A4GALT: variants seen among roughly 807,000 people sequenced by gnomAD.
A4GALT encodes the protein alpha 1,4-galactosyltransferase (P1PK blood group).
For synonymous variants in A4GALT, 257 were observed against 220.7 expected, an observed-to-expected ratio of 1.16 and a Z score of -1.46; for missense variants, 512 against 486.0, an observed-to-expected ratio of 1.05 and a Z score of -0.50.
chr22:42,696,697 A>G (rs1048101147), intron 1 of A4GALT, among the ~76,000 whole-genome samples: 2 of 151,886 alleles, frequency 1.3e-5, no homozygotes, highest in Admixed American at 6.6e-5. Context: ...CTTTACAAGT[A>G]TATCAGCCAC....
At chr22:42,713,378 T>C (rs1222303805) in intron 1 of A4GALT, among the ~76,000 whole-genome samples, 1 of 152,218 alleles carries the variant, frequency 6.6e-6, no homozygotes, top group Admixed American at 6.5e-5. Flanking sequence ...GCACCTTGAC[T>C]GTTCATCCAA....
In A4GALT at chr22:42,700,781, C is replaced by A. The variant is rs538013566; in HGVS notation, c.-187-5150G>T. ...GGAGGGAGGCAATGCATCTCCAGGG[C>A]CCAGCCCACGGAACAGGCCCTCAAC... On this transcript the variant is annotated intron_variant, in intron 1 of 2. Coordinates refer to ENST00000642412, the MANE Select transcript of A4GALT (RefSeq NM_017436.7). 3.9e-5 allele frequency among the ~76,000 whole-genome samples: 6 copies of A among 152,336 alleles called. No homozygotes were observed. In the South Asian group the frequency reaches 1.0e-3, roughly 26 times the overall value.
chr22:42,703,357 G>A (rs1920940589), intron 1 of A4GALT, among the ~76,000 whole-genome samples: 1 of 150,420 alleles, frequency 6.6e-6, no homozygotes, highest in Non-Finnish European at 1.5e-5. Flanking sequence ...CCGGGTTCAA[G>A]TGATTGTCCT....
At chr22:42,720,927 G>A (rs1271963735), upstream of A4GALT, 1 of 140,678 alleles carries the variant, frequency 7.1e-6, no homozygotes. Flanking sequence ...GGGTCAGGCC[G>A]CCCCGCCCCG....
intron 1 of A4GALT, among the ~76,000 whole-genome samples, chr22:42,700,953 G>C (rs373698894): frequency 6.6e-4 from 100 of 152,268 alleles, no homozygotes; most frequent in African/African-American, 2.2e-3. Flanking sequence ...ATGCAGCCAG[G>C]ACGTAGCATG....
At chr22:42,717,470 A>T (rs902887134) in intron 1 of A4GALT, among the ~76,000 whole-genome samples, 1 of 152,076 alleles carries the variant, frequency 6.6e-6, no homozygotes, top group Non-Finnish European at 1.5e-5. Context: ...AAGCCAATTC[A>T]TCAAGTGTCC....
chr22:42,697,434 A>G (rs1484223215), intron 1 of A4GALT, among the ~76,000 whole-genome samples: 1 of 152,062 alleles, frequency 6.6e-6, no homozygotes, highest in Non-Finnish European at 1.5e-5. Context: ...TTTTAACCCC[A>G]TGTGAACCAC....
chr22:42,707,027 C>T (rs1302322023), intron 1 of A4GALT, among the ~76,000 whole-genome samples: 2 of 151,982 alleles, frequency 1.3e-5, no homozygotes, highest in Non-Finnish European at 2.9e-5. Flanking sequence ...TATCAAAACA[C>T]TAATAAGAGA....
chr22:42,692,169 T>C lies in A4GALT; in HGVS notation c.*721A>G, dbSNP rs28915390. The C allele has an allele frequency of 1.6e-3, 279 of 175,686 alleles. No individual in the cohort carries two copies. Among genetic ancestry groups the C allele is most frequent in the Middle Eastern group, 0.012 (4 of 328 alleles). 10.9% of individuals were successfully genotyped at this position (175,686 alleles called of 1,614,324 possible). On this transcript the variant is annotated 3_prime_UTR_variant, in exon 3 of 3. Coordinates refer to ENST00000642412, the MANE Select transcript of A4GALT (RefSeq NM_017436.7). This position sits in a 1 kb window ranked among gnomAD's most constrained non-coding sequence, Gnocchi z 4.6. Reference sequence around the variant, plus strand: ...ATTGATTATTCTCCTGTGTTTATAATGCGGGCGGCAGGGTGGGGGTTTCTT... The same window carrying C: ...ATTGATTATTCTCCTGTGTTTATAACGCGGGCGGCAGGGTGGGGGTTTCTT...
At chr22:42,714,878 G>C (rs912593471) in intron 1 of A4GALT, among the ~76,000 whole-genome samples, 3 of 152,160 alleles carry the variant, frequency 2.0e-5, no homozygotes, top group Admixed American at 2.0e-4. Context: ...GTTGGGTTAG[G>C]GGGTGCTGCT....
intron 1 of A4GALT, among the ~76,000 whole-genome samples, chr22:42,706,354 C>CTAAAA (rs1921128098): frequency 3.6e-5 from 3 of 83,814 alleles, no homozygotes; most frequent in Admixed American, 1.6e-4. Flanking sequence ...GACTCCATCC[C>CTAAAA]AAAAAAAAAA....
chr22:42,709,362 T>G (rs1272601753), intron 1 of A4GALT, among the ~76,000 whole-genome samples: 1 of 131,840 alleles, frequency 7.6e-6, no homozygotes, highest in Non-Finnish European at 1.7e-5. Flanking sequence ...AAAAAAAAAA[T>G]TTAAGTAAAG....
intron 1 of A4GALT, among the ~76,000 whole-genome samples, chr22:42,696,421 A>C (rs982580124): frequency 4.3e-5 from 6 of 139,762 alleles, no homozygotes; most frequent in African/African-American, 1.4e-4. Flanking sequence ...ACTCAGTTTC[A>C]AAAAGGAAAA....
intron 1 of A4GALT, among the ~76,000 whole-genome samples, chr22:42,720,383 A>T (rs1025362331): frequency 6.7e-6 from 1 of 148,224 alleles, no homozygotes; most frequent in Admixed American, 6.7e-5. Flanking sequence ...GCACCGCCCG[A>T]CGCCCAGGCT....
Position 42,693,750 on chromosome 22 carries a change from T to TGGGGGGGGGGGGTGGGGGGGGGG in A4GALT, c.201_202insCCCCCCCCCCACCCCCCCCCCCC (p.Thr68ProfsTer54). The TGGGGGGGGGGGGTGGGGGGGGGG allele has an allele frequency of 2.6e-6, 1 of 391,428 alleles. No homozygotes were observed. The highest frequency in any genetic ancestry group is 4.3e-6 in the Non-Finnish European group (1 of 232,088). The allele number at this position is 391,428 out of a possible 1,614,324, so 24.2% of individuals were successfully genotyped here. A position where few individuals can be genotyped will look rare whatever the true frequency, so the allele number is the denominator to read the frequency against. On this transcript the variant is annotated frameshift_variant, in exon 3 of 3. Coordinates refer to ENST00000642412, the MANE Select transcript of A4GALT (RefSeq NM_017436.7). LOFTEE classifies it low-confidence loss of function (END_TRUNC). ...GGAGTGGGGCCGTGGGAGGGTGGGGTGGGGGGTGTCAAGGTGGGGCAGGGG... is the reference window on the plus strand; with the variant it reads ...GGAGTGGGGCCGTGGGAGGGTGGGGTGGGGGGGGGGGGTGGGGGGGGGGGGGGGGTGTCAAGGTGGGGCAGGGG...
At chr22:42,717,329 C>T (rs951679926) in intron 1 of A4GALT, among the ~76,000 whole-genome samples, 1 of 152,154 alleles carries the variant, frequency 6.6e-6, no homozygotes, top group Non-Finnish European at 1.5e-5. Context: ...ATGGACTCAC[C>T]CTGAACTAGG....
intron 1 of A4GALT, among the ~76,000 whole-genome samples, chr22:42,702,275 G>A (rs1363224259): frequency 6.6e-6 from 1 of 151,974 alleles, no homozygotes; most frequent in East Asian, 1.9e-4. Flanking sequence ...TAGATGTGCA[G>A]CCGCTGTTGA....
chr22:42,693,297 C>T lies in A4GALT; in HGVS notation c.655G>A (p.Ala219Thr). The T allele has an allele frequency of 3.1e-6, 5 of 1,613,088 alleles. No individual in the cohort carries two copies. The highest frequency in any genetic ancestry group is 4.2e-6 in the Non-Finnish European group (5 of 1,179,980). Reference sequence around the variant, plus strand: ...TGCCGGCGCTCGAAGGCCAGGAACGCGCCGTTGAGGACGTAGCGGGACTGG... The same window carrying T: ...TGCCGGCGCTCGAAGGCCAGGAACGTGCCGTTGAGGACGTAGCGGGACTGG... ...GTQSRYVLNG[A>T]FLAFERRHEF... The change falls in exon 3 of 3, where the codon GCG becomes ACG. Residue 219 changes from alanine to threonine, a missense_variant. Transcript: ENST00000642412.
chr22:42,700,886 A>C (rs745788024), intron 1 of A4GALT, among the ~76,000 whole-genome samples: 1 of 152,276 alleles, frequency 6.6e-6, no homozygotes, highest in Middle Eastern at 3.4e-3. Flanking sequence ...GAAGTCTCTG[A>C]TGGGGCTGGA....
Sources: allele counts gnomAD v4.1 joint callset (sites outside exome capture counted in the v4.1 genomes callset), GRCh38; gene constraint gnomAD v4.1.1; non-coding constraint Gnocchi (gnomAD v3.1); transcripts MANE v1.5; gene names NCBI Gene and HGNC (gene_info 2026-07-23, HGNC 2026-07-21).